Variants in DPYD observed in about 807,000 individuals in gnomAD.
DPYD encodes dihydropyrimidine dehydrogenase.
DPYD carries 109 observed loss-of-function variants against 116.2 expected under a neutral mutation model. The ratio of observed to expected loss-of-function variants is 0.94; its 90% CI spans 0.80 to 1.10. The LOEUF is 1.10. Ranked by LOEUF, DPYD falls within the 50% of genes least tolerant of loss-of-function variation. DPYD has a pLI of 0.00. For missense variants in DPYD, 1,302 were observed against 1,254.5 expected (o/e 1.04, Z -0.57); for synonymous variants, 440 against 432.0 (o/e 1.02, Z -0.23).
chr1:97,136,804 G>A (rs1302416383), intron 20 of DPYD, among the ~76,000 whole-genome samples: 1 of 152,100 alleles, frequency 6.6e-6, no homozygotes, highest in African/African-American at 2.4e-5. Context: ...ATGACAAGAA[G>A]AAAGAACTTC....
At chr1:97,839,857 A>G (rs370235675) in intron 2 of DPYD, among the ~76,000 whole-genome samples, 94 of 152,302 alleles carry the variant, frequency 6.2e-4, no homozygotes, top group African/African-American at 2.0e-3. Context: ...CCAGTGCTAG[A>G]CATTATTAAT....
intron 8 of DPYD, among the ~76,000 whole-genome samples, chr1:97,646,926 T>C (rs1226066834): frequency 1.3e-5 from 2 of 152,096 alleles, no homozygotes; most frequent in Non-Finnish European, 2.9e-5. Flanking sequence ...TTGGTTGCTG[T>C]TGTTTCTTCC....
At chr1:97,787,828 A>G (rs17117175) in intron 3 of DPYD, among the ~76,000 whole-genome samples, 4,357 of 152,310 alleles carry the variant, frequency 0.029, 206 homozygotes, top group African/African-American at 0.095. Context: ...TGATATTACC[A>G]TAATCAACAA....
intron 8 of DPYD, among the ~76,000 whole-genome samples, chr1:97,638,683 C>T (rs1227744226): frequency 6.6e-6 from 1 of 152,106 alleles, no homozygotes; most frequent in East Asian, 1.9e-4. Context: ...CTAGTGAGGC[C>T]TCAGTAGACT....
chr1:97,847,240 C>T (rs1274077562), intron 2 of DPYD, among the ~76,000 whole-genome samples: 1 of 152,178 alleles, frequency 6.6e-6, no homozygotes, highest in Non-Finnish European at 1.5e-5. Context: ...AGAATATAAT[C>T]TCTACAAAAA....
intron 8 of DPYD, among the ~76,000 whole-genome samples, chr1:97,669,393 T>C (rs535510988): frequency 1.3e-5 from 2 of 152,242 alleles, no homozygotes; most frequent in East Asian, 3.9e-4. Flanking sequence ...CTAAGTAATA[T>C]GAGTTTAAGA....
intron 16 of DPYD, among the ~76,000 whole-genome samples, chr1:97,331,778 T>C (rs1356355557): frequency 6.6e-6 from 1 of 152,174 alleles, no homozygotes; most frequent in Non-Finnish European, 1.5e-5. Context: ...AGTGTTTTTG[T>C]TGTTGTTCAG....
intron 20 of DPYD, among the ~76,000 whole-genome samples, chr1:97,129,069 CTTTTTTT>C (rs532541559): frequency 7.4e-6 from 1 of 135,004 alleles, no homozygotes; most frequent in African/African-American, 2.7e-5. Flanking sequence ...CTGCTGTATT[CTTTTTTT>C]TTTTTTTTTA....
intron 14 of DPYD, among the ~76,000 whole-genome samples, chr1:97,425,710 G>A (rs1418142532): frequency 6.6e-6 from 1 of 152,050 alleles, no homozygotes; most frequent in Non-Finnish European, 1.5e-5. Context: ...GTCCAATCAT[G>A]CTATGGCTTC....
intron 7 of DPYD, among the ~76,000 whole-genome samples, chr1:97,681,571 T>C (rs895727220): frequency 6.6e-6 from 1 of 152,158 alleles, no homozygotes; most frequent in Non-Finnish European, 1.5e-5. Flanking sequence ...ACTGGAACAT[T>C]AATTAAATAT....
At chr1:97,302,651 C>T (rs1666930913) in intron 18 of DPYD, among the ~76,000 whole-genome samples, 1 of 151,888 alleles carries the variant, frequency 6.6e-6, no homozygotes, top group African/African-American at 2.4e-5. Context: ...AGACCTCCCT[C>T]TGAAACAGTA....
intron 18 of DPYD, among the ~76,000 whole-genome samples, chr1:97,266,540 A>G (rs543944531): frequency 6.6e-6 from 1 of 152,162 alleles, no homozygotes; most frequent in Admixed American, 6.5e-5. Context: ...TTTTTTTATT[A>G]TTATTATACG....
At chr1:97,359,041 T>A (rs947276078) in intron 16 of DPYD, among the ~76,000 whole-genome samples, 2 of 151,988 alleles carry the variant, frequency 1.3e-5, no homozygotes, top group African/African-American at 4.8e-5. Flanking sequence ...TTCGAACCCA[T>A]CGCAAGGAAG....
chr1:97,489,524 G>T (rs1346399039), intron 13 of DPYD, among the ~76,000 whole-genome samples: 1 of 152,084 alleles, frequency 6.6e-6, no homozygotes, highest in African/African-American at 2.4e-5. Flanking sequence ...CAATATTTGT[G>T]GTAGACAATA....
chr1:97,706,158 T>TA (rs1297523943), intron 5 of DPYD, among the ~76,000 whole-genome samples: 1 of 152,016 alleles, frequency 6.6e-6, no homozygotes, highest in Non-Finnish European at 1.5e-5. Context: ...TACATTCTGA[T>TA]AAAATAGATT....
intron 14 of DPYD, among the ~76,000 whole-genome samples, chr1:97,393,508 T>C (rs9727787): frequency 0.19 from 29,052 of 151,668 alleles, 2,972 homozygotes; most frequent in South Asian, 0.37. Flanking sequence ...GTGTTCTCAT[T>C]GTTCAGTTCC....
intron 10 of DPYD, among the ~76,000 whole-genome samples, chr1:97,591,019 T>C (rs11165897): frequency 0.12 from 17,707 of 152,210 alleles, 1,131 homozygotes; most frequent in Middle Eastern, 0.15. Context: ...TGTCCTCTCT[T>C]ACTCTATTCT....
At chr1:97,779,104 C>T (rs938676184) in intron 3 of DPYD, among the ~76,000 whole-genome samples, 3 of 152,040 alleles carry the variant, frequency 2.0e-5, no homozygotes, top group Admixed American at 6.6e-5. Flanking sequence ...AAAAACACTA[C>T]ATTTAAAAGG....
At chr1:97,487,273 A>G (rs1380531227) in intron 13 of DPYD, among the ~76,000 whole-genome samples, 1 of 151,938 alleles carries the variant, frequency 6.6e-6, no homozygotes, top group African/African-American at 2.4e-5. Flanking sequence ...TATTTAAATT[A>G]AAAAAAATAT....
Sources: gnomAD v4.1 joint callset for allele counts (sites outside exome capture counted in the v4.1 genomes callset) on GRCh38, gnomAD v4.1.1 for gene constraint, MANE v1.5 for transcripts, NCBI Gene and HGNC (gene_info 2026-07-23, HGNC 2026-07-21) for gene names.